TEX264: variants seen among roughly 807,000 people sequenced by gnomAD.
TEX264 encodes the protein testis expressed 264, ER-phagy receptor, also known as testis-expressed protein 264.
TEX264 carries 13 observed loss-of-function variants against 23.4 expected under a neutral mutation model. That is an observed-to-expected ratio of 0.56 (90% CI 0.36 to 0.88). TEX264 has a LOEUF of 0.88. Among genes scored for constraint, TEX264 ranks in the 40% least tolerant of loss-of-function variants. The probability of loss-of-function intolerance (pLI) is 0.01; values close to 1 mark genes in which losing one functional copy is unlikely to be tolerated. For synonymous variants in TEX264, 159 were observed against 170.0 expected (o/e 0.94, Z 0.50); for missense variants, 340 against 406.8 (o/e 0.84, Z 1.41).
intron 2 of TEX264, chr3:51,681,899 C>T (rs1338355301): frequency 6.6e-6 from 1 of 152,224 alleles, no homozygotes; most frequent in Non-Finnish European, 1.5e-5. Context: ...TAGTTTCATC[C>T]TAGAGGTAAA....
intron 3 of TEX264, among the ~76,000 whole-genome samples, chr3:51,694,263 TG>T (rs1402732990): frequency 6.6e-6 from 1 of 152,092 alleles, no homozygotes; most frequent in African/African-American, 2.4e-5. Flanking sequence ...CCCGGGTAGC[TG>T]GGATTACATG....
chr3:51,695,292 T>C (rs182808619), intron 3 of TEX264, among the ~76,000 whole-genome samples: 4 of 152,340 alleles, frequency 2.6e-5, no homozygotes. Context: ...CTAGAGCTTA[T>C]GTAGGAGATG....
chr3:51,698,463 G>GT (rs1259388959), intron 3 of TEX264, among the ~76,000 whole-genome samples: 6 of 152,090 alleles, frequency 3.9e-5, no homozygotes, highest in African/African-American at 1.5e-4. Context: ...CGCAGGAAAG[G>GT]TGGCGGGGCA....
chr3:51,676,559 A>G (rs1308297532), intron 2 of TEX264, among the ~76,000 whole-genome samples: 2 of 152,224 alleles, frequency 1.3e-5, no homozygotes, highest in Non-Finnish European at 2.9e-5. Flanking sequence ...CCTTGAGGCT[A>G]GCAGTCCCGA....
At position 51,703,670 on chromosome 3, in the gene TEX264, G is replaced by A; in HGVS notation, c.650-54G>A. On this transcript the variant is annotated intron_variant, in intron 4 of 4. Coordinates refer to ENST00000341333, the MANE Select transcript of TEX264 (RefSeq NM_015926.6). This position sits in a 1 kb window ranked among gnomAD's most constrained non-coding sequence, Gnocchi z 4.8. Reference sequence around the variant, plus strand: ...CTGCGTGCTGAGTTGCCTCTCCCTGGAGGAGGGGGTGGGGTGGTCCTAGCT... The same window carrying A: ...CTGCGTGCTGAGTTGCCTCTCCCTGAAGGAGGGGGTGGGGTGGTCCTAGCT... 1 of 1,522,764 alleles carries A rather than the reference G, an allele frequency of 6.6e-7. No individual in the cohort carries two copies. The highest frequency in any genetic ancestry group is 8.9e-7 in the Non-Finnish European group (1 of 1,128,040). 94.3% of individuals were successfully genotyped at this position (1,522,764 alleles called of 1,614,324 possible).
Position 51,674,571 on chromosome 3 carries a change from T to C in TEX264, c.258+9T>C, listed in dbSNP as rs768291916. On this transcript the variant is annotated intron_variant, in intron 2 of 4. Transcript: ENST00000341333. ...ATGACAACCCCCACATGGTAAGGAG[T>C]CTCCATGGGGTTCTGCCCCATGGAT... 25 of 1,612,984 alleles carry C rather than the reference T, an allele frequency of 1.5e-5. No individual in the cohort carries two copies. The South Asian group carries it at 2.1e-4, about 13-fold the overall frequency.
intron 3 of TEX264, among the ~76,000 whole-genome samples, chr3:51,689,312 C>T (rs1702739878): frequency 6.6e-6 from 1 of 152,082 alleles, no homozygotes; most frequent in South Asian, 2.1e-4. Flanking sequence ...CACCTGTGGT[C>T]TCAGCTACTC....
chr3:51,684,113 C>G (rs1443232539), intron 2 of TEX264: 1 of 415,678 alleles, frequency 2.4e-6, no homozygotes, highest in African/African-American at 2.0e-5. Flanking sequence ...GCCCTTCCCT[C>G]TCCTGGCCTC....
At chr3:51,693,732 G>C (rs1577522653) in intron 3 of TEX264, among the ~76,000 whole-genome samples, 1 of 152,004 alleles carries the variant, frequency 6.6e-6, no homozygotes, top group African/African-American at 2.4e-5. Context: ...TGCCCACCTT[G>C]GCCTCCCAAA....
chr3:51,699,498 T>G lies in TEX264; in HGVS notation c.573T>G (p.Tyr191Ter). ...MCPLARQGDF[Y>*]VPEMKETEWK... ...CACTGGCACGGCAGGGAGACTTCTA[T>G]GTGCCTGAGATGAAGGAGACAGAGT... is the stretch of plus-strand genomic sequence containing the variant. Residue 191 changes from tyrosine to a stop codon, truncating the protein, a stop_gained, in exon 4 of 5, where the codon TAT (tyrosine) becomes TAG (stop). Coordinates refer to ENST00000341333, the MANE Select transcript of TEX264 (RefSeq NM_015926.6). LOFTEE classifies it high-confidence loss of function. 3 of 1,614,126 alleles carry G rather than the reference T, an allele frequency of 1.9e-6. No homozygotes were observed. The highest frequency in any genetic ancestry group is 2.5e-6 in the Non-Finnish European group (3 of 1,179,950).
chr3:51,671,304 G>A lies in TEX264; in HGVS notation c.-35+16G>A, dbSNP rs144915585. 0.034 allele frequency: 5,252 copies of A among 152,346 alleles called. 142 individuals carry two copies. Among genetic ancestry groups the A allele is most frequent in the Non-Finnish European group, 0.055 (3,735 of 68,020 alleles). The allele number at this position is 152,346 out of a possible 1,614,324, so 9.4% of individuals were successfully genotyped here. A position where few individuals can be genotyped will look rare whatever the true frequency, so the allele number is the denominator to read the frequency against. On this transcript the variant is annotated intron_variant, in intron 1 of 4. Coordinates refer to ENST00000341333, the MANE Select transcript of TEX264 (RefSeq NM_015926.6). ...GGCTGCTGAGGTGAGGGCCGGGCCA[G>A]AGGAGAGGCATACCCACTGGGGCGT...
chr3:51,675,619 A>T (rs1037572161), intron 2 of TEX264, among the ~76,000 whole-genome samples: 9 of 152,128 alleles, frequency 5.9e-5, no homozygotes, highest in Non-Finnish European at 1.2e-4. Context: ...CTCCAACAAG[A>T]CACTGTGCTT....
intron 2 of TEX264, among the ~76,000 whole-genome samples, chr3:51,679,515 G>A (rs1559672275): frequency 6.6e-6 from 1 of 152,204 alleles, no homozygotes; most frequent in East Asian, 1.9e-4. Flanking sequence ...GTTGTGTGGC[G>A]CAGCTCTGAA....
At chr3:51,680,186 G>T (rs1176214941) in intron 2 of TEX264, among the ~76,000 whole-genome samples, 1 of 152,168 alleles carries the variant, frequency 6.6e-6, no homozygotes, top group Non-Finnish European at 1.5e-5. Flanking sequence ...GGTTGTGTAG[G>T]TTGTGGGCCT....
At position 51,684,517 on chromosome 3, in the gene TEX264, G is replaced by C. The variant is rs895196115; in HGVS notation, c.363G>C (p.Lys121Asn). 1 of 1,614,168 alleles carries C rather than the reference G, an allele frequency of 6.2e-7. No individual in the cohort carries two copies. The highest frequency in any genetic ancestry group is 8.5e-7 in the Non-Finnish European group (1 of 1,180,014). Reference protein sequence around the residue: ...LIDLYQKFGFKVFSFPAPSHV... With the variant: ...LIDLYQKFGFNVFSFPAPSHV... ...ACCTCTACCAGAAATTTGGCTTCAA[G>C]GTGTTCTCCTTCCCGGCACCCAGCC... Residue 121 changes from lysine (K) to asparagine (N), a missense_variant, in exon 3 of 5, where the codon AAG becomes AAC. Physicochemically the swap from Lys to Asn is moderately conservative, Grantham distance 94. Coordinates refer to ENST00000341333, the MANE Select transcript of TEX264 (RefSeq NM_015926.6).
intron 2 of TEX264, among the ~76,000 whole-genome samples, chr3:51,677,682 G>T (rs1270388390): frequency 6.6e-6 from 1 of 152,218 alleles, no homozygotes; most frequent in Admixed American, 6.5e-5. Flanking sequence ...GTCCCACCTA[G>T]GCTGGGTGTG....
At chr3:51,698,687 T>G (rs1703163225) in intron 3 of TEX264, among the ~76,000 whole-genome samples, 1 of 152,170 alleles carries the variant, frequency 6.6e-6, no homozygotes, top group African/African-American at 2.4e-5. Flanking sequence ...GATCTACTTG[T>G]CCTACCTGAC....
chr3:51,692,539 C>T (rs1702866493), intron 3 of TEX264, among the ~76,000 whole-genome samples: 1 of 152,234 alleles, frequency 6.6e-6, no homozygotes, highest in African/African-American at 2.4e-5. Context: ...CACTTGCCCA[C>T]TTGTCCTTCC....
intron 4 of TEX264, among the ~76,000 whole-genome samples, chr3:51,700,456 T>C (rs1332335933): frequency 1.3e-5 from 2 of 152,048 alleles, no homozygotes; most frequent in Non-Finnish European, 2.9e-5. Flanking sequence ...CTCTACTCCC[T>C]AGGGGCCTGT....
Sources: allele counts gnomAD v4.1 joint callset (sites outside exome capture counted in the v4.1 genomes callset), GRCh38; gene constraint gnomAD v4.1.1; non-coding constraint Gnocchi (gnomAD v3.1); transcripts MANE v1.5; gene names NCBI Gene and HGNC (gene_info 2026-07-23, HGNC 2026-07-21).